Variants in DOK6 observed in about 807,000 individuals in gnomAD.
The protein encoded by DOK6 is downstream of tyrosine kinase 6.
DOK6 carries 22 observed loss-of-function variants against 44.0 expected under a neutral mutation model. The ratio of observed to expected loss-of-function variants is 0.50; its 90% CI spans 0.36 to 0.71. The LOEUF is 0.71. DOK6 is among the 30% of genes least tolerant of loss of function. DOK6 has a pLI of 0.00. For missense variants in DOK6, 340 were observed against 416.4 expected, an observed-to-expected ratio of 0.82 and a Z score of 1.60; for synonymous variants, 166 against 145.5, an observed-to-expected ratio of 1.14 and a Z score of -1.01.
At chr18:69,525,477 A>G (rs960362151) in intron 1 of DOK6, among the ~76,000 whole-genome samples, 3 of 152,042 alleles carry the variant, frequency 2.0e-5, no homozygotes, top group Non-Finnish European at 4.4e-5. Flanking sequence ...AAATGATTCA[A>G]TGATAAGAGG....
chr18:69,510,995 G>A (rs960508595), intron 1 of DOK6, among the ~76,000 whole-genome samples: 2 of 152,098 alleles, frequency 1.3e-5, no homozygotes, highest in African/African-American at 4.8e-5. Flanking sequence ...TGGCAACACT[G>A]TCTTATTTAT....
At chr18:69,573,346 A>G (rs990130136) in intron 2 of DOK6, among the ~76,000 whole-genome samples, 2 of 151,916 alleles carry the variant, frequency 1.3e-5, no homozygotes, top group African/African-American at 4.8e-5. Context: ...AACTACACAG[A>G]CTTTTTAAAT....
At chr18:69,811,318 T>C (rs964736043) in intron 7 of DOK6, among the ~76,000 whole-genome samples, 8 of 151,576 alleles carry the variant, frequency 5.3e-5, no homozygotes, top group Admixed American at 4.0e-4. Flanking sequence ...AGCTGATGGA[T>C]TGGGGAGAGG....
Position 69,672,721 on chromosome 18 carries a change from G to T in DOK6, c.290-5013G>T, listed in dbSNP as rs1164530250. 2.2e-4 allele frequency among the ~76,000 whole-genome samples: 33 copies of T among 148,330 alleles called. No homozygotes were observed. The South Asian group carries it at 4.7e-3, about 21-fold the overall frequency. On this transcript the variant is annotated intron_variant, in intron 3 of 7. Coordinates refer to ENST00000382713, the MANE Select transcript of DOK6 (RefSeq NM_152721.6). The stretch of plus-strand genomic sequence containing the variant: ...TAAAAAAAAAAAGGGGGGGGTGGGG[G>T]CGGTGGGGAAACAAAAGTCCATGAA...
At chr18:69,640,915 A>G (rs1201517134) in intron 3 of DOK6, among the ~76,000 whole-genome samples, 1 of 152,086 alleles carries the variant, frequency 6.6e-6, no homozygotes, top group African/African-American at 2.4e-5. Flanking sequence ...CTTTCTGATT[A>G]CTGTCATAAA....
At chr18:69,748,701 T>C (rs1175915243) in intron 6 of DOK6, among the ~76,000 whole-genome samples, 1 of 152,194 alleles carries the variant, frequency 6.6e-6, no homozygotes, top group African/African-American at 2.4e-5. Flanking sequence ...ATTTTTACAC[T>C]GTTGGTGGGA....
intron 1 of DOK6, among the ~76,000 whole-genome samples, chr18:69,420,230 G>C (rs114993269): frequency 2.0e-5 from 3 of 151,820 alleles, no homozygotes; most frequent in African/African-American, 4.8e-5. Flanking sequence ...GTCTTTAGAT[G>C]TATTTGTTAT....
chr18:69,433,888 CT>C, intron 1 of DOK6, among the ~76,000 whole-genome samples: 1 of 152,224 alleles, frequency 6.6e-6, no homozygotes. Context: ...TACTTTTTCA[CT>C]ACAGATTTTC....
chr18:69,450,821 G>A (rs1979439513), intron 1 of DOK6, among the ~76,000 whole-genome samples: 1 of 144,466 alleles, frequency 6.9e-6, no homozygotes, highest in African/African-American at 2.6e-5. Context: ...AGCTTCATAA[G>A]TGAAGGAGAA....
At chr18:69,592,924 GCTTT>G (rs1157464274) in intron 2 of DOK6, among the ~76,000 whole-genome samples, 4 of 152,052 alleles carry the variant, frequency 2.6e-5, no homozygotes, top group African/African-American at 9.7e-5. Flanking sequence ...AATTTTAAAA[GCTTT>G]CTTTATGTAA....
At chr18:69,402,824 G>C (rs1448615550) in intron 1 of DOK6, among the ~76,000 whole-genome samples, 1 of 151,798 alleles carries the variant, frequency 6.6e-6, no homozygotes, top group East Asian at 1.9e-4. Context: ...AGGTTTCAAG[G>C]GCTTTTCTTG....
At chr18:69,681,683 T>C (rs1381908768) in intron 4 of DOK6, among the ~76,000 whole-genome samples, 1 of 152,242 alleles carries the variant, frequency 6.6e-6, no homozygotes, top group Admixed American at 6.5e-5. Flanking sequence ...CTTTCAGTAG[T>C]ATTTAAGATA....
intron 2 of DOK6, among the ~76,000 whole-genome samples, chr18:69,578,747 A>G (rs945967703): frequency 3.3e-5 from 5 of 152,194 alleles, no homozygotes; most frequent in African/African-American, 1.2e-4. Context: ...CAAAGAGAAT[A>G]AATTGTTTCC....
intron 3 of DOK6, among the ~76,000 whole-genome samples, chr18:69,636,519 C>T (rs889032498): frequency 1.3e-5 from 2 of 152,140 alleles, no homozygotes; most frequent in African/African-American, 2.4e-5. Context: ...TCTATGCTGG[C>T]GAAAAGTTGA....
At chr18:69,630,483 A>G (rs1372116663) in intron 3 of DOK6, among the ~76,000 whole-genome samples, 3 of 152,210 alleles carry the variant, frequency 2.0e-5, no homozygotes, top group Non-Finnish European at 2.9e-5. Context: ...ATATTTCTTC[A>G]CTTTCATTCA....
rs114147191 is a variant in DOK6, at chr18:69,545,681, A to G, written c.67-18806A>G. Among the ~76,000 whole-genome samples the G allele has an allele frequency of 8.1e-3, 1,232 of 151,482 alleles. 20 individuals are homozygous for G. The highest frequency in any genetic ancestry group is 0.027 in the African/African-American group (1,137 of 41,508). On this transcript the variant is annotated intron_variant, in intron 1 of 7. Coordinates refer to ENST00000382713, the MANE Select transcript of DOK6 (RefSeq NM_152721.6). ...TAATAGAACTGGAAAAGACTACTAC[A>G]TTCATTTTGGTCTTTTCCACTATAC... is the stretch of plus-strand genomic sequence containing the variant.
intron 7 of DOK6, among the ~76,000 whole-genome samples, chr18:69,794,268 GC>G (rs1980681333): frequency 6.6e-6 from 1 of 152,072 alleles, no homozygotes; most frequent in Non-Finnish European, 1.5e-5. Flanking sequence ...ATTCCTTTTA[GC>G]TAGCTTTCTA....
chr18:69,494,091 T>A (rs1980812991), intron 1 of DOK6, among the ~76,000 whole-genome samples: 1 of 152,230 alleles, frequency 6.6e-6, no homozygotes, highest in Non-Finnish European at 1.5e-5. Context: ...TCAACAAATT[T>A]GGCAAATATA....
At chr18:69,493,190 A>G (rs955347752) in intron 1 of DOK6, among the ~76,000 whole-genome samples, 2 of 152,188 alleles carry the variant, frequency 1.3e-5, no homozygotes, top group South Asian at 2.1e-4. Flanking sequence ...GTAGCACTTT[A>G]AAAGATTATA....
Sources: gnomAD v4.1 joint callset for allele counts (sites outside exome capture counted in the v4.1 genomes callset) on GRCh38, gnomAD v4.1.1 for gene constraint, MANE v1.5 for transcripts, NCBI Gene and HGNC (gene_info 2026-07-23, HGNC 2026-07-21) for gene names.